GAPDHS: variants seen among roughly 807,000 people sequenced by gnomAD.
The protein encoded by GAPDHS is glyceraldehyde-3-phosphate dehydrogenase, testis-specific.
Under a neutral mutation model 48.7 loss-of-function variants are expected in GAPDHS, and 42 were observed. The observed-to-expected ratio is 0.86, with a 90% CI of 0.67 to 1.12. The LOEUF is 1.12. Among genes scored for constraint, GAPDHS ranks in the 50% most tolerant of loss-of-function variants. The probability of loss-of-function intolerance (pLI) is 0.00; values close to 1 mark genes in which losing one functional copy is unlikely to be tolerated. For synonymous variants in GAPDHS, 166 were observed against 219.1 expected (o/e 0.76, Z 2.14); for missense variants, 512 against 557.7 (o/e 0.92, Z 0.82).
At chr19:35,537,060 G>C in intron 2 of GAPDHS, 70 bp downstream of exon 2, 3 of 1,295,894 alleles carry the variant, frequency 2.3e-6, no homozygotes, top group Non-Finnish European at 3.2e-6. Flanking sequence ...TGCTAACTGG[G>C]GGCACCTCCA....
intron 1 of GAPDHS, among the ~76,000 whole-genome samples, chr19:35,533,964 T>C (rs888518204): frequency 6.6e-6 from 1 of 152,138 alleles, no homozygotes; most frequent in Non-Finnish European, 1.5e-5. Flanking sequence ...GTGATGTTCA[T>C]GGCGCTTCGC....
Position 35,545,015 on chromosome 19 carries a change from G to A in GAPDHS, c.1154+9G>A, listed in dbSNP as rs375066952. 59 of 1,609,212 alleles carry A rather than the reference G, an allele frequency of 3.7e-5. 1 individual carries two copies. The African/African-American group carries it at 6.0e-4, about 16-fold the overall frequency. ...GTGAAGCTCATTTCATGGTAAGGGG[G>A]AAGGAGCTGGAGACTTAGAGGGAGG... On this transcript the variant is annotated intron_variant, in intron 10 of 10. Transcript: ENST00000222286.
At chr19:35,535,438 T>A (rs2068235939) in intron 1 of GAPDHS, among the ~76,000 whole-genome samples, 1 of 151,996 alleles carries the variant, frequency 6.6e-6, no homozygotes, top group Admixed American at 6.6e-5. Flanking sequence ...CAGGCTGGAG[T>A]GCAGTGGCAC....
intron 2 of GAPDHS, among the ~76,000 whole-genome samples, chr19:35,537,495 G>A (rs1010698464): frequency 9.2e-5 from 14 of 152,160 alleles, no homozygotes; most frequent in African/African-American, 3.4e-4. Flanking sequence ...TGAGAAGCCC[G>A]GAGGGGGCTG....
In GAPDHS at chr19:35,543,664, G is replaced by A; in HGVS notation, c.894-1G>A. ...CCTGTTCCTCATGGGGGATTCTCCA[G>A]GAAGCTGACAGGGATGGCGTTCCGG... On this transcript the variant is annotated splice_acceptor_variant, in intron 8 of 10. Transcript: ENST00000222286. LOFTEE classifies it high-confidence loss of function. 6.2e-7 allele frequency: 1 copy of A among 1,613,420 alleles called. No individual in the cohort carries two copies. Among genetic ancestry groups the A allele is most frequent in the Non-Finnish European group, 8.5e-7 (1 of 1,179,644 alleles).
In GAPDHS at chr19:35,542,529, G is replaced by A. The variant is rs200556774; in HGVS notation, c.580G>A (p.Ala194Thr). The change falls in exon 6 of 11, where the codon GCG becomes ACG. Residue 194 changes from alanine (A) to threonine (T), a missense_variant. By Grantham distance (58) the Ala-to-Thr change is moderately conservative. Coordinates refer to ENST00000222286, the MANE Select transcript of GAPDHS (RefSeq NM_014364.5). ...SAGAQRVVIS[A>T]PSPDAPMFVM... ...AGGTGCTCAACGTGTGGTCATCTCCGCGCCCTCACCGGATGCACCAATGTT... is the reference window on the plus strand; with the variant it reads ...AGGTGCTCAACGTGTGGTCATCTCCACGCCCTCACCGGATGCACCAATGTT... 6.6e-5 allele frequency: 107 copies of A among 1,613,940 alleles called. 2 individuals are homozygous for A. The South Asian group carries it at 7.9e-4, about 12-fold the overall frequency.
Position 35,545,278 on chromosome 19 carries a change from CACGCCGAT to C in GAPDHS, c.*109_*116del. On this transcript the variant is annotated 3_prime_UTR_variant, in exon 11 of 11. Coordinates refer to ENST00000222286, the MANE Select transcript of GAPDHS (RefSeq NM_014364.5). ...GGAAGGACACCCGGGGCGGGCGCCCCACGCCGATGGGTCCATGGTGAAATAAAAAACAG... is the reference window on the plus strand; with the variant it reads ...GGAAGGACACCCGGGGCGGGCGCCCCGGGTCCATGGTGAAATAAAAAACAG... The C allele has an allele frequency of 1.2e-6, 1 of 848,114 alleles. No homozygotes were observed. Among genetic ancestry groups the C allele is most frequent in the Non-Finnish European group, 2.0e-6 (1 of 493,274 alleles). The allele number at this position is 848,114 out of a possible 1,614,324, so 52.5% of individuals were successfully genotyped here.
Position 35,533,549 on chromosome 19 carries a change from C to T in GAPDHS, c.22C>T (p.Leu8Phe). 6.2e-7 allele frequency: 1 copy of T among 1,613,624 alleles called. No individual in the cohort carries two copies. The highest frequency in any genetic ancestry group is 8.5e-7 in the Non-Finnish European group (1 of 1,179,864). Residue 8 changes from leucine (L) to phenylalanine (F), a missense_variant, in exon 1 of 11, where the codon CTC becomes TTC. Transcript: ENST00000222286. ...GGCCATGTCGAAGCGCGACATCGTC[C>T]TCACCAATGTCACCGTTGTCCAGTT... MSKRDIV[L>F]TNVTVVQLLR... is the part of the protein sequence containing the mutation.
chr19:35,544,009 G>A, intron 9 of GAPDHS, 182 bp downstream of exon 9: 2 of 1,168,746 alleles, frequency 1.7e-6, no homozygotes, highest in Non-Finnish European at 2.3e-6. Context: ...CTTGCCAGGT[G>A]ACCATACAGT....
At chr19:35,534,023 G>C (rs4806173) in intron 1 of GAPDHS, among the ~76,000 whole-genome samples, 98,143 of 152,148 alleles carry the variant, frequency 0.65, 31,903 homozygotes, top group East Asian at 0.75. Flanking sequence ...AGGACACTTG[G>C]AACCTTGCCG....
rs1327644614 is a variant in GAPDHS at position 35,544,842 on chromosome 19, C to G, written c.1057-67C>G. ...ATGGATGGGCGATAGAGTTAAGAGT[C>G]GGGGCCTCAGCTCCTGGAGGTCCTT... On this transcript the variant is annotated intron_variant, in intron 9 of 10. Coordinates refer to ENST00000222286, the MANE Select transcript of GAPDHS (RefSeq NM_014364.5). 3.4e-6 allele frequency: 3 copies of G among 879,000 alleles called. No homozygotes were observed. The African/African-American group carries it at 4.9e-5, about 14-fold the overall frequency. The allele number at this position is 879,000 out of a possible 1,614,324, so 54.5% of individuals were successfully genotyped here. A position where few individuals can be genotyped will look rare whatever the true frequency, so the allele number is the denominator to read the frequency against.
chr19:35,534,303 G>A (rs1600128704), intron 1 of GAPDHS, among the ~76,000 whole-genome samples: 2 of 152,008 alleles, frequency 1.3e-5, no homozygotes, highest in South Asian at 2.1e-4. Context: ...GGCGGGGGCC[G>A]CAGGGGTAGG....
chr19:35,542,909 A>G, intron 6 of GAPDHS, 36 bp from the exon 7 acceptor site: 1 of 1,543,460 alleles, frequency 6.5e-7, no homozygotes, highest in Non-Finnish European at 9.0e-7. Flanking sequence ...TCTGCGACTC[A>G]CCTCACAGTG....
rs1056196155 is a variant in GAPDHS at position 35,543,811 on chromosome 19, C to T, written c.1040C>T (p.Ala347Val). 6 of 1,611,928 alleles carry T rather than the reference C, an allele frequency of 3.7e-6. No individual in the cohort carries two copies. Among genetic ancestry groups the T allele is most frequent in the African/African-American group, 2.7e-5 (2 of 74,882 alleles). ...AAKGPMAGIL[A>V]YTEDEVVSTD... Reference sequence around the variant, plus strand: ...AAGGGGCCCATGGCTGGCATCCTTGCCTACACCGAGGATGAGGTAGGGGCT... The same window carrying T: ...AAGGGGCCCATGGCTGGCATCCTTGTCTACACCGAGGATGAGGTAGGGGCT... The change falls in exon 9 of 11, where the codon GCC becomes GTC. Residue 347 changes from alanine to valine, a missense_variant. Ala to Val is a moderately conservative substitution (Grantham distance 64). Coordinates refer to ENST00000222286, the MANE Select transcript of GAPDHS (RefSeq NM_014364.5).
chr19:35,539,302 G>A (rs973353991), intron 4 of GAPDHS, among the ~76,000 whole-genome samples: 3 of 152,196 alleles, frequency 2.0e-5, no homozygotes, highest in African/African-American at 4.8e-5. Flanking sequence ...GACCACTGCT[G>A]GTCAACTATG....
chr19:35,537,094 G>C (rs188817782), intron 2 of GAPDHS, 104 bp downstream of exon 2: 22 of 977,876 alleles, frequency 2.2e-5, no homozygotes, highest in Admixed American at 6.9e-5. Context: ...CAATGCTTTC[G>C]TTCCGACGAC....
intron 1 of GAPDHS, among the ~76,000 whole-genome samples, chr19:35,534,659 A>C (rs2146291807): frequency 6.6e-6 from 1 of 152,220 alleles, no homozygotes; most frequent in Non-Finnish European, 1.5e-5. Flanking sequence ...TTCCCACCTG[A>C]ACCAGGTGGA....
At position 35,543,424 on chromosome 19, in the gene GAPDHS, C is replaced by T. The variant is rs1212444601; in HGVS notation, c.826C>T (p.Gln276Ter). 6.2e-7 allele frequency: 1 copy of T among 1,610,986 alleles called. No homozygotes were observed. Among genetic ancestry groups the T allele is most frequent in the Non-Finnish European group, 8.5e-7 (1 of 1,179,116 alleles). Residue 276 changes from glutamine to a stop codon, truncating the protein, a stop_gained, in exon 8 of 11, where the codon CAG becomes TAG. Transcript: ENST00000222286. LOFTEE classifies it high-confidence loss of function. ...CTGGCGAGATGGGCGGGGTGCCCAC[C>T]AGAACATCATCCCAGCCTCCACTGG... is the stretch of plus-strand genomic sequence containing the variant. ...KAWRDGRGAH[Q>*]NIIPASTGAA...
In GAPDHS at chr19:35,535,995, C is replaced by T. The variant is rs542064748; in HGVS notation, c.68-818C>T. 1.5e-3 allele frequency among the ~76,000 whole-genome samples: 232 copies of T among 152,036 alleles called. 1 individual carries two copies. Among genetic ancestry groups the T allele is most frequent in the African/African-American group, 5.2e-3 (215 of 41,490 alleles). ...CCTCAAGTGATCCACCCACCTTGGCCTCCCAAAGTGCCAGGATTACAGGTG... is the reference window on the plus strand; with the variant it reads ...CCTCAAGTGATCCACCCACCTTGGCTTCCCAAAGTGCCAGGATTACAGGTG... On this transcript the variant is annotated intron_variant, in intron 1 of 10. Coordinates refer to ENST00000222286, the MANE Select transcript of GAPDHS (RefSeq NM_014364.5).
Sources: gnomAD v4.1 joint callset for allele counts (sites outside exome capture counted in the v4.1 genomes callset) on GRCh38, gnomAD v4.1.1 for gene constraint, MANE v1.5 for transcripts, NCBI Gene and HGNC (gene_info 2026-07-23, HGNC 2026-07-21) for gene names.